Variants in FASTKD2 observed in about 807,000 individuals in gnomAD.
FASTKD2 encodes FAST kinase domain-containing protein 2, mitochondrial.
A neutral mutation model predicts 63.6 loss-of-function variants in FASTKD2; 51 were observed. The observed-to-expected ratio is 0.80, with a 90% confidence interval of 0.64 to 1.01. The LOEUF (loss-of-function observed/expected upper bound fraction) is 1.01. Among genes scored for constraint, FASTKD2 ranks in the 50% least tolerant of loss-of-function variants. FASTKD2 has a pLI of 0.00. For missense variants in FASTKD2, 786 were observed against 831.1 expected, an observed-to-expected ratio of 0.95 and a Z score of 0.67; for synonymous variants, 284 against 293.4, an observed-to-expected ratio of 0.97 and a Z score of 0.33.
chr2:206,792,990 G>A lies in FASTKD2; in HGVS notation c.*1188G>A, dbSNP rs1192073896. On this transcript the variant is annotated 3_prime_UTR_variant, in exon 12 of 12. Transcript: ENST00000402774. The stretch of plus-strand genomic sequence containing the variant: ...TTGTCATCCCAGCACTTGGGAGGCC[G>A]AGGTGGGCTGATCATGAGGTCAGGA... Among the ~76,000 whole-genome samples, 3 of 152,078 alleles carry A rather than the reference G, an allele frequency of 2.0e-5. No individual in the cohort carries two copies. Among genetic ancestry groups the A allele is most frequent in the South Asian group, 2.1e-4 (1 of 4,828 alleles).
intron 7 of FASTKD2, among the ~76,000 whole-genome samples, chr2:206,775,573 G>GT (rs1256969126): frequency 1.4e-5 from 2 of 144,258 alleles, no homozygotes; most frequent in South Asian, 4.3e-4. Flanking sequence ...TTTTTTGTTT[G>GT]TTTTTTGTTT....
intron 2 of FASTKD2, 62 bp downstream of exon 2, chr2:206,767,532 A>G: frequency 7.5e-7 from 1 of 1,329,512 alleles, no homozygotes; most frequent in Non-Finnish European, 1.1e-6. Context: ...GAAAGAATGA[A>G]GGGATATAGA....
intron 7 of FASTKD2, among the ~76,000 whole-genome samples, chr2:206,785,148 A>G (rs972350615): frequency 7.0e-6 from 1 of 143,446 alleles, no homozygotes; most frequent in Non-Finnish European, 1.5e-5. Context: ...AGATCTCGTG[A>G]GACTTATTGA....
At position 206,766,755 on chromosome 2, in the gene FASTKD2, C is replaced by G. The variant is rs549677418; in HGVS notation, c.62C>G (p.Ala21Gly). The G allele has an allele frequency of 2.5e-6, 4 of 1,613,664 alleles. No homozygotes were observed. The highest frequency in any genetic ancestry group is 2.7e-5 in the African/African-American group (2 of 74,904). ...GTGGAGAGCAAAATGAATAACAAAGCGGGCTCCTTTTTCTGGAACCTTAGA... is the reference window on the plus strand; with the variant it reads ...GTGGAGAGCAAAATGAATAACAAAGGGGGCTCCTTTTTCTGGAACCTTAGA... Reference protein sequence around the residue: ...VSVESKMNNKAGSFFWNLRQF... With the variant: ...VSVESKMNNKGGSFFWNLRQF... Residue 21 changes from alanine (A) to glycine (G), a missense_variant, in exon 2 of 12, where the codon GCG (alanine) becomes GGG (glycine). Physicochemically the swap from Ala to Gly is moderately conservative, Grantham distance 60. Coordinates refer to ENST00000402774, the MANE Select transcript of FASTKD2 (RefSeq NM_001136193.2).
chr2:206,785,808 C>T (rs537659232), intron 7 of FASTKD2, among the ~76,000 whole-genome samples: 3 of 152,282 alleles, frequency 2.0e-5, no homozygotes, highest in East Asian at 1.9e-4. Context: ...TTCCCCTACC[C>T]ATGGACCTCT....
chr2:206,789,107 G>A, intron 10 of FASTKD2: 1 of 555,124 alleles, frequency 1.8e-6, no homozygotes, highest in Non-Finnish European at 3.2e-6. Flanking sequence ...CTACAGTATT[G>A]GTCATTTAAT....
rs58656956 is a variant in FASTKD2 at position 206,793,220 on chromosome 2, C to CAAAAAAAAAAAAAAAA, written c.*1434_*1449dup. Among the ~76,000 whole-genome samples, 6 of 65,820 alleles carry CAAAAAAAAAAAAAAAA rather than the reference C, an allele frequency of 9.1e-5. No individual in the cohort carries two copies. Among genetic ancestry groups the CAAAAAAAAAAAAAAAA allele is most frequent in the African/African-American group, 3.1e-4 (5 of 16,240 alleles). The allele number at this position is 65,820 out of a possible 152,430, so 43.2% of individuals were successfully genotyped here. ...CTGACCACAGAGCGAGACTCTGTCT[C>CAAAAAAAAAAAAAAAA]AAAAAAAAAAAAAAAAAAAAAAAAA... is the stretch of plus-strand genomic sequence containing the variant. On this transcript the variant is annotated 3_prime_UTR_variant, in exon 12 of 12. Transcript: ENST00000402774.
intron 7 of FASTKD2, among the ~76,000 whole-genome samples, chr2:206,781,069 T>C (rs1292033888): frequency 1.3e-5 from 2 of 152,182 alleles, no homozygotes; most frequent in Non-Finnish European, 1.5e-5. Context: ...TAGTTCTTTG[T>C]TGGGCAGTTC....
rs771616855 is a variant in FASTKD2 at position 206,788,902 on chromosome 2, A to G, written c.1897A>G (p.Arg633Gly). ...TACAACTTCTGCTACAGATATTCAAAGGTTGCTTACATATATTTCATTTGC... is the reference window on the plus strand; with the variant it reads ...TACAACTTCTGCTACAGATATTCAAGGGTTGCTTACATATATTTCATTTGC... ...VDTTSATDIQ[R>G]VAVLCVSRSA... The change falls in exon 10 of 12, where the codon AGA becomes GGA. Residue 633 changes from arginine to glycine, a missense_variant and splice_region_variant. By Grantham distance (125) the Arg-to-Gly change is moderately radical. Coordinates refer to ENST00000402774, the MANE Select transcript of FASTKD2 (RefSeq NM_001136193.2). The G allele has an allele frequency of 8.0e-6, 12 of 1,505,582 alleles. No homozygotes were observed. The South Asian group carries it at 1.3e-4, about 17-fold the overall frequency. 93.3% of individuals were successfully genotyped at this position (1,505,582 alleles called of 1,614,324 possible).
In FASTKD2 at chr2:206,769,970, G is replaced by A. The variant is rs1689624428; in HGVS notation, c.778-121G>A. On this transcript the variant is annotated intron_variant, in intron 2 of 11. Transcript: ENST00000402774. ...TGCTGTTTATTGTGGACTGACTGTA[G>A]GAATTGTTGGTTTGATACTCAATCG... 31 of 722,904 alleles carry A rather than the reference G, an allele frequency of 4.3e-5. 1 individual carries two copies. In the South Asian group the frequency reaches 4.4e-4, roughly 10 times the overall value. 44.8% of individuals were successfully genotyped at this position (722,904 alleles called of 1,614,324 possible).
chr2:206,775,064 A>G (rs1689786543), intron 7 of FASTKD2, among the ~76,000 whole-genome samples: 1 of 152,038 alleles, frequency 6.6e-6, no homozygotes, highest in Non-Finnish European at 1.5e-5. Flanking sequence ...TCCACATTGT[A>G]GCATGTGATG....
At chr2:206,773,351 C>G (rs1018140355) in intron 6 of FASTKD2, among the ~76,000 whole-genome samples, 8 of 146,276 alleles carry the variant, frequency 5.5e-5, no homozygotes, top group Admixed American at 3.4e-4. Flanking sequence ...TTGTATGGTA[C>G]TTTTGTTAGA....
chr2:206,787,963 C>G lies in FASTKD2; in HGVS notation c.1621C>G (p.His541Asp), dbSNP rs1002078725. 1.2e-6 allele frequency: 2 copies of G among 1,610,730 alleles called. No homozygotes were observed. The highest frequency in any genetic ancestry group is 1.7e-6 in the Non-Finnish European group (2 of 1,177,100). ...SDDMKNAYKL[H>D]TLDTCLKLDD... ...TGACATGAAGAATGCTTACAAGCTG[C>G]ATACTTTGGATACTTGTCTAAAACT... is the stretch of plus-strand genomic sequence containing the variant. Residue 541 changes from histidine to aspartate, a missense_variant, in exon 9 of 12, where the codon CAT (histidine) becomes GAT (aspartate). Coordinates refer to ENST00000402774, the MANE Select transcript of FASTKD2 (RefSeq NM_001136193.2).
At position 206,791,740 on chromosome 2, in the gene FASTKD2, A is replaced by C. The variant is rs781656176; in HGVS notation, c.2071A>C (p.Thr691Pro). 3.5e-5 allele frequency: 57 copies of C among 1,612,188 alleles called. No individual in the cohort carries two copies. The highest frequency in any genetic ancestry group is 1.9e-5 in the Non-Finnish European group (22 of 1,178,622). The change falls in exon 12 of 12, where the codon ACT (threonine) becomes CCT (proline). Residue 691 changes from threonine (T) to proline (P), a missense_variant. Thr to Pro is a conservative substitution (Grantham distance 38). Transcript: ENST00000402774. ...EMEDAVTFLK[T>P]KIYSVEALPV... The stretch of plus-strand genomic sequence containing the variant: ...GGAAGATGCAGTCACATTTTTGAAG[A>C]CTAAAATCTATTCAGTAGAAGCTCT...
At position 206,794,846 on chromosome 2, in the gene FASTKD2, C is replaced by T. The variant is rs1267055217; in HGVS notation, c.*3044C>T. Among the ~76,000 whole-genome samples the T allele has an allele frequency of 6.6e-6, 1 of 152,160 alleles. No homozygotes were observed. Among genetic ancestry groups the T allele is most frequent in the Non-Finnish European group, 1.5e-5 (1 of 68,038 alleles). ...ATGTGTTGTGAGGGTAGTCACCCTG[C>T]AACTGGCTTGGACATCTCTAAGCAA... is the stretch of plus-strand genomic sequence containing the variant. On this transcript the variant is annotated 3_prime_UTR_variant, in exon 12 of 12. Transcript: ENST00000402774.
Position 206,790,810 on chromosome 2 carries a change from T to C in FASTKD2, c.2013+124T>C. The stretch of plus-strand genomic sequence containing the variant: ...GAATTGTCAGCATTATTGGAATGAG[T>C]GCTTTAGTTACTGTTTTCTTTGAAA... On this transcript the variant is annotated intron_variant, in intron 11 of 11. Transcript: ENST00000402774. 5.5e-6 allele frequency: 4 copies of C among 726,946 alleles called. No homozygotes were observed. The South Asian group carries it at 5.7e-5, about 10-fold the overall frequency. The allele number at this position is 726,946 out of a possible 1,614,324, so 45.0% of individuals were successfully genotyped here. A position where few individuals can be genotyped will look rare whatever the true frequency, so the allele number is the denominator to read the frequency against.
At chr2:206,780,702 C>A (rs1689948676) in intron 7 of FASTKD2, among the ~76,000 whole-genome samples, 1 of 152,084 alleles carries the variant, frequency 6.6e-6, no homozygotes, top group South Asian at 2.1e-4. Flanking sequence ...AATAAGCTTT[C>A]AGCTCCTTTT....
intron 5 of FASTKD2, 58 bp downstream of exon 5, chr2:206,772,075 T>C (rs1689698675): frequency 1.2e-6 from 2 of 1,604,440 alleles, no homozygotes; most frequent in Non-Finnish European, 1.7e-6. Flanking sequence ...TTAGACTATT[T>C]TTGTTTTGTT....
chr2:206,769,251 G>A (rs1689603780), intron 2 of FASTKD2, among the ~76,000 whole-genome samples: 1 of 152,162 alleles, frequency 6.6e-6, no homozygotes, highest in African/African-American at 2.4e-5. Flanking sequence ...CCCTTTCATA[G>A]GAAAGAAACC....
Sources: gnomAD v4.1 joint callset for allele counts (sites outside exome capture counted in the v4.1 genomes callset) on GRCh38, gnomAD v4.1.1 for gene constraint, MANE v1.5 for transcripts, NCBI Gene and HGNC (gene_info 2026-07-23, HGNC 2026-07-21) for gene names.